The following CPLX4 variants were observed in gnomAD, a reference collection of about 807,000 sequenced individuals.
The protein encoded by CPLX4 is complexin-4.
Under a neutral mutation model 16.1 loss-of-function variants are expected in CPLX4, and 17 were observed. That is an observed-to-expected ratio of 1.06 (90% CI 0.72 to 1.59). The LOEUF is 1.59. Among genes scored for constraint, CPLX4 ranks in the 40% most tolerant of loss-of-function variants. The pLI is 0.00. For synonymous variants in CPLX4, 55 were observed against 57.8 expected (o/e 0.95, Z 0.22); for missense variants, 193 against 192.9 (o/e 1.00, Z 0.00).
At chr18:59,303,496 C>T (rs577840015) in intron 2 of CPLX4, among the ~76,000 whole-genome samples, 93 of 152,198 alleles carry the variant, frequency 6.1e-4, no homozygotes, top group Middle Eastern at 6.8e-3. Flanking sequence ...TGTCATTCTG[C>T]TTTTTAGGGG....
At chr18:59,304,721 G>A (rs1425751386) in intron 2 of CPLX4, among the ~76,000 whole-genome samples, 1 of 152,020 alleles carries the variant, frequency 6.6e-6, no homozygotes, top group Non-Finnish European at 1.5e-5. Flanking sequence ...ACAGGCATGC[G>A]CCACCATGCC....
chr18:59,298,467 G>A (rs924731539), intron 2 of CPLX4, among the ~76,000 whole-genome samples: 1 of 151,996 alleles, frequency 6.6e-6, no homozygotes, highest in Non-Finnish European at 1.5e-5. Flanking sequence ...TGAGAGGAAA[G>A]ATCTATGTTA....
At position 59,296,141 on chromosome 18, in the gene CPLX4, A is replaced by G. The variant is rs201742116; in HGVS notation, c.*557T>C. 2,600 of 146,092 alleles carry G rather than the reference A, an allele frequency of 0.018. 211 individuals carry two copies. In the East Asian group the frequency reaches 0.28, roughly 16 times the overall value. 9.0% of individuals were successfully genotyped at this position (146,092 alleles called of 1,614,324 possible). A position where few individuals can be genotyped will look rare whatever the true frequency, so the allele number is the denominator to read the frequency against. On this transcript the variant is annotated 3_prime_UTR_variant, in exon 3 of 3. Transcript: ENST00000299721. Reference sequence around the variant, plus strand: ...CCGCCACTTGGCTGAGAAGCATCCAAGGACCAAAGGATCCAAGCATACTTG... The same window carrying G: ...CCGCCACTTGGCTGAGAAGCATCCAGGGACCAAAGGATCCAAGCATACTTG...
intron 2 of CPLX4, among the ~76,000 whole-genome samples, chr18:59,307,342 A>G (rs2070583651): frequency 6.6e-6 from 1 of 152,228 alleles, no homozygotes; most frequent in Non-Finnish European, 1.5e-5. Context: ...TCGAGGAGCC[A>G]AAGTACTGTG....
chr18:59,317,557 G>A (rs1271567754), intron 1 of CPLX4, among the ~76,000 whole-genome samples: 7 of 151,932 alleles, frequency 4.6e-5, no homozygotes, highest in Non-Finnish European at 8.8e-5. Flanking sequence ...TTTGGAGGAA[G>A]GTGGCTGAAG....
At chr18:59,312,476 C>A (rs905777637) in intron 2 of CPLX4, among the ~76,000 whole-genome samples, 1 of 143,912 alleles carries the variant, frequency 6.9e-6, no homozygotes, top group Non-Finnish European at 1.5e-5. Flanking sequence ...TATATATATC[C>A]TGAATATGTG....
Position 59,296,704 on chromosome 18 carries a change from C to T in CPLX4, c.477G>A (p.Val159=), listed in dbSNP as rs1166415515. ...CCTCCACCCCTCCCACCCCTCACAT[C>T]ACGGAACACTTCTGCTCCGCTGTCT... The part of the protein sequence containing the change: ...IKQTAEQKCS[V]M The change falls in exon 3 of 3, where the codon GTG becomes GTA. Residue 159 remains valine, a synonymous_variant. Transcript: ENST00000299721. 3 of 1,186,106 alleles carry T rather than the reference C, an allele frequency of 2.5e-6. No individual in the cohort carries two copies. The highest frequency in any genetic ancestry group is 3.6e-6 in the Non-Finnish European group (3 of 837,716). The allele number at this position is 1,186,106 out of a possible 1,614,324, so 73.5% of individuals were successfully genotyped here.
chr18:59,316,190 T>C (rs1200777468), intron 1 of CPLX4, among the ~76,000 whole-genome samples: 1 of 152,222 alleles, frequency 6.6e-6, no homozygotes, highest in Non-Finnish European at 1.5e-5. Flanking sequence ...TATTGTTTTA[T>C]TTCCTTTCCA....
At position 59,301,133 on chromosome 18, in the gene CPLX4, C is replaced by A. The variant is rs145751873; in HGVS notation, c.256-4208G>T. 3.6e-3 allele frequency among the ~76,000 whole-genome samples: 550 copies of A among 152,354 alleles called. 5 individuals carry two copies. The highest frequency in any genetic ancestry group is 0.013 in the African/African-American group (523 of 41,580). ...ACTCCTCAGGCCTAGTCTGCCTGGCCACTCTCAGGAGCACAGATCTGCATC... is the reference window on the plus strand; with the variant it reads ...ACTCCTCAGGCCTAGTCTGCCTGGCAACTCTCAGGAGCACAGATCTGCATC... On this transcript the variant is annotated intron_variant, in intron 2 of 2. Coordinates refer to ENST00000299721, the MANE Select transcript of CPLX4 (RefSeq NM_181654.4).
chr18:59,304,098 A>G (rs935885693), intron 2 of CPLX4, among the ~76,000 whole-genome samples: 1 of 152,202 alleles, frequency 6.6e-6, no homozygotes, highest in Admixed American at 6.5e-5. Context: ...AATGTGACAC[A>G]TTTAAAGAAA....
chr18:59,308,505 GT>G (rs1186638348), intron 2 of CPLX4, among the ~76,000 whole-genome samples: 11 of 120,390 alleles, frequency 9.1e-5, no homozygotes, highest in East Asian at 2.4e-4. Flanking sequence ...TTGTTGTTTT[GT>G]TTTCCCCCCC....
rs771426097 is a variant in CPLX4 at position 59,296,674 on chromosome 18, C to T, written c.*24G>A. The stretch of plus-strand genomic sequence containing the variant: ...TGGTCTTTTCCAAGGATGGCTGGTT[C>T]CCTCCCTCCACCCCTCCCACCCCTC... On this transcript the variant is annotated 3_prime_UTR_variant, in exon 3 of 3. Coordinates refer to ENST00000299721, the MANE Select transcript of CPLX4 (RefSeq NM_181654.4). The T allele has an allele frequency of 2.5e-6, 4 of 1,594,692 alleles. No individual in the cohort carries two copies. The highest frequency in any genetic ancestry group is 1.7e-5 in the Admixed American group (1 of 59,384).
At chr18:59,302,371 G>A (rs866004570) in intron 2 of CPLX4, among the ~76,000 whole-genome samples, 2 of 152,212 alleles carry the variant, frequency 1.3e-5, no homozygotes, top group African/African-American at 4.8e-5. Context: ...ACTACAGGCC[G>A]GAAGCAGCTC....
At chr18:59,316,257 GCACACA>G (rs61529866) in intron 1 of CPLX4, among the ~76,000 whole-genome samples, 141 of 151,056 alleles carry the variant, frequency 9.3e-4, no homozygotes, top group Non-Finnish European at 1.8e-3. Context: ...TGGTGCGTGC[GCACACA>G]CACACACACA....
intron 2 of CPLX4, among the ~76,000 whole-genome samples, chr18:59,305,894 A>G (rs150011508): frequency 1.3e-5 from 2 of 152,218 alleles, no homozygotes; most frequent in Non-Finnish European, 2.9e-5. Context: ...AAGATAACTC[A>G]TAAAGAAGAA....
intron 2 of CPLX4, among the ~76,000 whole-genome samples, chr18:59,301,029 G>A (rs1603391314): frequency 2.0e-5 from 3 of 152,306 alleles, no homozygotes; most frequent in African/African-American, 7.2e-5. Flanking sequence ...TCACAACCTG[G>A]CCCTCTTTTT....
At chr18:59,316,845 T>C (rs2070654448) in intron 1 of CPLX4, among the ~76,000 whole-genome samples, 2 of 152,182 alleles carry the variant, frequency 1.3e-5, no homozygotes, top group South Asian at 4.1e-4. Flanking sequence ...AACTGTAGTC[T>C]ACATTTCTGT....
chr18:59,315,390 T>C, intron 1 of CPLX4, among the ~76,000 whole-genome samples: 1 of 152,214 alleles, frequency 6.6e-6, no homozygotes, highest in Non-Finnish European at 1.5e-5. Context: ...TTTGCTTTCA[T>C]TATTGAGTTA....
intron 1 of CPLX4, among the ~76,000 whole-genome samples, chr18:59,314,292 G>A (rs759681698): frequency 5.9e-5 from 9 of 152,026 alleles, no homozygotes; most frequent in Non-Finnish European, 8.8e-5. Flanking sequence ...ATACAGAAAC[G>A]TTGAAAGAAT....
Sources: allele counts gnomAD v4.1 joint callset (sites outside exome capture counted in the v4.1 genomes callset), GRCh38; gene constraint gnomAD v4.1.1; transcripts MANE v1.5; gene names NCBI Gene and HGNC (gene_info 2026-07-23, HGNC 2026-07-21).